DAB2IP: variants seen among roughly 807,000 people sequenced by gnomAD.
The protein encoded by DAB2IP is DAB2 interacting protein.
In DAB2IP, 28 loss-of-function variants were observed where a neutral mutation model predicts 107.2. The observed-to-expected ratio is 0.26, with a 90% CI of 0.19 to 0.36. The LOEUF is 0.36. DAB2IP is among the 10% of genes least tolerant of loss of function. The pLI, the probability that DAB2IP is intolerant of heterozygous loss-of-function variation, is 1.00. For synonymous variants in DAB2IP, 755 were observed against 706.4 expected (o/e 1.07, Z -1.09); for missense variants, 1,400 against 1,644.7 (o/e 0.85, Z 2.57).
chr9:121,588,493 C>G (rs1428859539), intron 1 of DAB2IP, among the ~76,000 whole-genome samples: 1 of 147,806 alleles, frequency 6.8e-6, no homozygotes, highest in African/African-American at 2.5e-5. Context: ...CCATCAAGGG[C>G]TGCTCTCTGG....
At chr9:121,629,513 G>T (rs1485014768) in intron 1 of DAB2IP, among the ~76,000 whole-genome samples, 5 of 152,180 alleles carry the variant, frequency 3.3e-5, no homozygotes, top group African/African-American at 1.2e-4. Context: ...CAGGCGCCGG[G>T]CAGACAGTCA....
upstream of DAB2IP, among the ~76,000 whole-genome samples, chr9:121,650,516 C>G (rs1832702818): frequency 1.3e-5 from 2 of 152,186 alleles, no homozygotes; most frequent in African/African-American, 4.8e-5. Context: ...GTGACTCACA[C>G]CCCCCACCCC....
At chr9:121,647,111 A>C (rs1832565472), upstream of DAB2IP, among the ~76,000 whole-genome samples, 1 of 151,994 alleles carries the variant, frequency 6.6e-6, no homozygotes, top group Non-Finnish European at 1.5e-5. Flanking sequence ...TCAAACTTGT[A>C]ACCCTCCTCT....
At chr9:121,595,159 A>AC (rs1218626462) in intron 1 of DAB2IP, among the ~76,000 whole-genome samples, 1 of 152,108 alleles carries the variant, frequency 6.6e-6, no homozygotes, top group Non-Finnish European at 1.5e-5. Context: ...AGAAAGGATG[A>AC]CCAGGTTATT....
At chr9:121,703,138 T>G (rs944959263) in intron 3 of DAB2IP, among the ~76,000 whole-genome samples, 5 of 152,024 alleles carry the variant, frequency 3.3e-5, no homozygotes, top group African/African-American at 4.8e-5. Context: ...ATACAGTACT[T>G]GGATGTTGGG....
intron 3 of DAB2IP, among the ~76,000 whole-genome samples, chr9:121,746,180 G>A (rs912172706): frequency 4.6e-5 from 7 of 152,106 alleles, no homozygotes; most frequent in Non-Finnish European, 8.8e-5. Context: ...GAGAAGTGCT[G>A]GCAGGAAGGG....
At chr9:121,737,631 G>T (rs890612141) in intron 3 of DAB2IP, 1 of 985,394 alleles carries the variant, frequency 1.0e-6, no homozygotes, top group Non-Finnish European at 1.2e-6. Flanking sequence ...GGCCATCTTC[G>T]GAAGCCAGAT....
chr9:121,645,055 C>T (rs943638248), intron 1 of DAB2IP, among the ~76,000 whole-genome samples: 6 of 152,240 alleles, frequency 3.9e-5, no homozygotes, highest in Non-Finnish European at 1.5e-5. Context: ...CCTCTGGTTT[C>T]CCAGTGGGTG....
intron 1 of DAB2IP, among the ~76,000 whole-genome samples, chr9:121,622,430 G>C (rs910441387): frequency 6.6e-6 from 1 of 152,234 alleles, no homozygotes; most frequent in Non-Finnish European, 1.5e-5. Flanking sequence ...GCCTCCAGAA[G>C]TGTGTGCTTT....
At chr9:121,687,245 T>A (rs913800995) in intron 2 of DAB2IP, among the ~76,000 whole-genome samples, 1 of 152,160 alleles carries the variant, frequency 6.6e-6, no homozygotes, top group Non-Finnish European at 1.5e-5. Context: ...GGGCCTGGCA[T>A]GACTGGCTGT....
intron 3 of DAB2IP, among the ~76,000 whole-genome samples, chr9:121,749,941 C>T (rs1410084040): frequency 6.6e-6 from 1 of 152,182 alleles, no homozygotes; most frequent in Admixed American, 6.5e-5. Context: ...GTGCATCGTT[C>T]ACCAGTGTTG....
chr9:121,741,689 G>A (rs1324194354), intron 3 of DAB2IP, among the ~76,000 whole-genome samples: 3 of 151,694 alleles, frequency 2.0e-5, no homozygotes, highest in African/African-American at 7.3e-5. Context: ...GAAACAGGCT[G>A]AGAGAAAGAA....
intron 1 of DAB2IP, among the ~76,000 whole-genome samples, chr9:121,616,104 G>A (rs1264343842): frequency 6.6e-6 from 1 of 152,102 alleles, no homozygotes; most frequent in Admixed American, 6.6e-5. Flanking sequence ...CCTGTCCCTG[G>A]GCCTGGGACC....
chr9:121,638,232 T>A (rs1243755012), intron 1 of DAB2IP, among the ~76,000 whole-genome samples: 1 of 152,244 alleles, frequency 6.6e-6, no homozygotes, highest in Non-Finnish European at 1.5e-5. Flanking sequence ...TTTCTTGTCA[T>A]CATTACCTAA....
chr9:121,706,419 T>A (rs1830060395), intron 3 of DAB2IP, among the ~76,000 whole-genome samples: 3 of 151,822 alleles, frequency 2.0e-5, no homozygotes, highest in Admixed American at 2.0e-4. Flanking sequence ...CACAGCCAAC[T>A]CTCCACCAAG....
chr9:121,593,715 T>G (rs1830465166), intron 1 of DAB2IP, among the ~76,000 whole-genome samples: 1 of 148,964 alleles, frequency 6.7e-6, no homozygotes, highest in African/African-American at 2.5e-5. Flanking sequence ...TTGCCCAGGC[T>G]GGAGTGCAGT....
chr9:121,584,653 G>A (rs1405953621), intron 1 of DAB2IP, among the ~76,000 whole-genome samples: 1 of 152,174 alleles, frequency 6.6e-6, no homozygotes, highest in Non-Finnish European at 1.5e-5. Flanking sequence ...TCTGAAAGTA[G>A]GTTTTGTTGG....
At chr9:121,569,885 G>C (rs1829894426) in intron 1 of DAB2IP, among the ~76,000 whole-genome samples, 1 of 152,140 alleles carries the variant, frequency 6.6e-6, no homozygotes, top group Non-Finnish European at 1.5e-5. Flanking sequence ...GAACTCCTAG[G>C]CTCAAGGGAT....
intron 1 of DAB2IP, chr9:121,598,419 C>A (rs1191368209): frequency 6.6e-6 from 1 of 152,294 alleles, no homozygotes; most frequent in Admixed American, 6.5e-5. Flanking sequence ...CGGGCCTGGC[C>A]CGGGACCGAC....
Sources: gnomAD v4.1 joint callset for allele counts (sites outside exome capture counted in the v4.1 genomes callset) on GRCh38, gnomAD v4.1.1 for gene constraint, MANE v1.5 for transcripts, NCBI Gene and HGNC (gene_info 2026-07-23, HGNC 2026-07-21) for gene names.